Variants in SZT2 observed in about 807,000 individuals in gnomAD.
SZT2 encodes the protein SZT2 subunit of KICSTOR complex.
SZT2 carries 216 observed loss-of-function variants against 404.2 expected under a neutral mutation model. The observed-to-expected ratio is 0.53, with a 90% confidence interval of 0.48 to 0.60. SZT2 has a LOEUF of 0.60. Ranked by LOEUF, SZT2 falls within the 20% of genes least tolerant of loss-of-function variation. The probability of loss-of-function intolerance (pLI) is 0.00; values close to 1 mark genes in which losing one functional copy is unlikely to be tolerated. For missense variants in SZT2, 3,857 were observed against 4,459.2 expected, an observed-to-expected ratio of 0.86 and a Z score of 3.85; for synonymous variants, 1,693 against 1,749.9, an observed-to-expected ratio of 0.97 and a Z score of 0.81.
rs747214141 is a variant in SZT2, at chr1:43,448,038, T to C, written c.9564-41T>C. The C allele has an allele frequency of 6.2e-7, 1 of 1,609,012 alleles. No individual in the cohort carries two copies. The highest frequency in any genetic ancestry group is 8.5e-7 in the Non-Finnish European group (1 of 1,176,484). ...TGCCCCACCCTGCCCTGTGTGTCTC[T>C]TGCTACAACCACCACTCTCCTGCCC... On this transcript the variant is annotated intron_variant, in intron 68 of 71. Transcript: ENST00000634258. The surrounding 1 kb of genome is among the most constrained non-coding windows in gnomAD (Gnocchi z 4.2).
Position 43,443,011 on chromosome 1 carries a change from C to T in SZT2, c.8344C>T (p.Pro2782Ser), listed in dbSNP as rs752904064. 1.9e-6 allele frequency: 3 copies of T among 1,614,116 alleles called. No homozygotes were observed. Among genetic ancestry groups the T allele is most frequent in the African/African-American group, 1.3e-5 (1 of 75,038 alleles). ...TGCCCGCCCCAGCTCCGTACTTGGT[C>T]CTGTGCCCAGACCTCCTGATCCTGT... ...TAARPSSVLG[P>S]VPRPPDPVTY... The change falls in exon 59 of 72, where the codon CCT becomes TCT. Residue 2782 changes from proline (P) to serine (S), a missense_variant. By Grantham distance (74) the Pro-to-Ser change is moderately conservative. This residue lies in a region of SZT2 where 717 missense variants were observed against 868.2 expected (regional missense o/e 0.83). Transcript: ENST00000634258.
In SZT2 at chr1:43,424,356, C is replaced by T. The variant is rs1283056569; in HGVS notation, c.2395C>T (p.Leu799Phe). The change falls in exon 16 of 72, where the codon CTT becomes TTT. Residue 799 changes from leucine to phenylalanine, a missense_variant. Transcript: ENST00000634258. This position sits in a 1 kb window ranked among gnomAD's most constrained non-coding sequence, Gnocchi z 4.1. ...LSRYLYHQRW[L>F]WSVPSGLAPA... is the part of the protein sequence containing the mutation. ...CCGCTACCTCTACCATCAGCGCTGG[C>T]TTTGGAGTGTCCCGTCAGGACTGGC... The T allele has an allele frequency of 2.1e-5, 33 of 1,597,998 alleles. No individual in the cohort carries two copies. The highest frequency in any genetic ancestry group is 2.5e-5 in the Non-Finnish European group (30 of 1,179,624).
chr1:43,396,039 A>G (rs1648952753), intron 1 of SZT2, among the ~76,000 whole-genome samples: 1 of 152,226 alleles, frequency 6.6e-6, no homozygotes, highest in African/African-American at 2.4e-5. Flanking sequence ...TGAGGATAAA[A>G]TGGGAGATGT....
Position 43,415,262 on chromosome 1 carries a change from T to A in SZT2, c.630+49T>A, listed in dbSNP as rs141711840. On this transcript the variant is annotated intron_variant, in intron 5 of 71. Transcript: ENST00000634258. ...GAGGCAACTTAGAAAGAGGAGCAGC[T>A]AAGGACAGAGGGCAGAGAGGAGGGA... is the stretch of plus-strand genomic sequence containing the variant. The A allele has an allele frequency of 1.9e-6, 3 of 1,591,288 alleles. No homozygotes were observed. In the Admixed American group the frequency reaches 5.0e-5, roughly 27 times the overall value.
chr1:43,424,572 T>C lies in SZT2; in HGVS notation c.2471+140T>C, dbSNP rs1652914638. The C allele has an allele frequency of 3.2e-6, 3 of 945,412 alleles. No homozygotes were observed. In the South Asian group the frequency reaches 4.8e-5, roughly 15 times the overall value. 58.6% of individuals were successfully genotyped at this position (945,412 alleles called of 1,614,324 possible). On this transcript the variant is annotated intron_variant, in intron 16 of 71. Transcript: ENST00000634258. The surrounding 1 kb of genome is among the most constrained non-coding windows in gnomAD (Gnocchi z 4.1). ...TATAGAGCAGCATCTGCTACTGCCC[T>C]CCCTGTCTCCTCCCATCACCCGATT...
chr1:43,425,635 C>G lies in SZT2; in HGVS notation c.2807C>G (p.Pro936Arg), dbSNP rs756184903. 1.2e-6 allele frequency: 2 copies of G among 1,613,862 alleles called. No individual in the cohort carries two copies. Among genetic ancestry groups the G allele is most frequent in the Non-Finnish European group, 1.7e-6 (2 of 1,180,008 alleles). The change falls in exon 19 of 72, where the codon CCG (proline) becomes CGG (arginine). Residue 936 changes from proline to arginine, a missense_variant. Around this residue, in one of 7 missense-constraint regions of SZT2, gnomAD observed 1,725 missense variants for 1,881.0 expected, o/e 0.92. Coordinates refer to ENST00000634258, the MANE Select transcript of SZT2 (RefSeq NM_001365999.1). This position sits in a 1 kb window ranked among gnomAD's most constrained non-coding sequence, Gnocchi z 4.3. ...CAGGACCTGACGTATTCTGAGATCC[C>G]GCAAGCTGTGAGTGTCCTCAGAACA... is the stretch of plus-strand genomic sequence containing the variant. ...HLQDLTYSEI[P>R]QALHPRDAAC... is the part of the protein sequence containing the mutation.
intron 1 of SZT2, chr1:43,394,170 A>G (rs1648720600): frequency 1.5e-6 from 1 of 662,128 alleles, no homozygotes; most frequent in Admixed American, 6.4e-5. Flanking sequence ...TCACTTGGAG[A>G]CCTTGTTAGA....
At position 43,434,396 on chromosome 1, in the gene SZT2, C is replaced by A; in HGVS notation, c.5815C>A (p.Arg1939=). ...ATCCTTCCTTCCCAGGAGCCTGATT[C>A]GGGAGGATGGGGGGCCGGGCACTGA... is the stretch of plus-strand genomic sequence containing the variant. ...EVYAHARSLI[R]EDGGPGTECR... The change falls in exon 41 of 72, where the codon CGG becomes AGG. Residue 1939 remains arginine, a synonymous_variant. Transcript: ENST00000634258. 1 of 1,593,922 alleles carries A rather than the reference C, an allele frequency of 6.3e-7. No individual in the cohort carries two copies. Among genetic ancestry groups the A allele is most frequent in the South Asian group, 1.2e-5 (1 of 86,812 alleles).
In SZT2 at chr1:43,415,982, CAG is replaced by C. The variant is rs756942804; in HGVS notation, c.654_655del (p.Asp220ProfsTer14). 1.2e-5 allele frequency: 19 copies of C among 1,597,804 alleles called. No individual in the cohort carries two copies. Among genetic ancestry groups the C allele is most frequent in the Non-Finnish European group, 1.5e-5 (18 of 1,179,588 alleles). On this transcript the variant is annotated frameshift_variant, in exon 6 of 72. Transcript: ENST00000634258. LOFTEE classifies it high-confidence loss of function. Reference sequence around the variant, plus strand: ...CAGGCAGAAGACCAGTCCCCAGACTCAGGGGACCTACTGGGCCGGAAGGTAGG... The same window carrying C: ...CAGGCAGAAGACCAGTCCCCAGACTCGGGACCTACTGGGCCGGAAGGTAGG...
rs1450934125 is a variant in SZT2, at chr1:43,431,917, A to G, written c.5274+16A>G. 3.1e-6 allele frequency: 5 copies of G among 1,613,662 alleles called. No individual in the cohort carries two copies. Among genetic ancestry groups the G allele is most frequent in the African/African-American group, 2.7e-5 (2 of 74,928 alleles). On this transcript the variant is annotated intron_variant, in intron 36 of 71. Transcript: ENST00000634258. ...ATTCAAGGAGGTAAGTTGCCCTCCA[A>G]ACACTGCAGGGTCACCTTGGGGCCC...
rs769139158 is a variant in SZT2 at position 43,453,510 on chromosome 1, C to T, written c.*3030C>T. The T allele has an allele frequency of 1.6e-5, 24 of 1,539,340 alleles. No homozygotes were observed. The Admixed American group carries it at 2.6e-4, about 16-fold the overall frequency. On this transcript the variant is annotated 3_prime_UTR_variant, in exon 72 of 72. Coordinates refer to ENST00000634258, the MANE Select transcript of SZT2 (RefSeq NM_001365999.1). Reference sequence around the variant, plus strand: ...TTCTCTTGGTCTCCTGCAGAGAGAACGGGCCTCAGCCCCCGGCTCGGACAC... The same window carrying T: ...TTCTCTTGGTCTCCTGCAGAGAGAATGGGCCTCAGCCCCCGGCTCGGACAC...
At chr1:43,438,156 A>G (rs1654664433) in intron 46 of SZT2, 1 of 467,596 alleles carries the variant, frequency 2.1e-6, no homozygotes, top group Non-Finnish European at 3.9e-6. Flanking sequence ...CTCAAGCAGG[A>G]GCTGCATGGG....
rs866543690 is a variant in SZT2, at chr1:43,453,966, T to C, written c.*3486T>C. The C allele has an allele frequency of 3.1e-5, 37 of 1,192,584 alleles. No homozygotes were observed. In the African/African-American group the frequency reaches 5.4e-4, roughly 18 times the overall value. The allele number at this position is 1,192,584 out of a possible 1,614,324, so 73.9% of individuals were successfully genotyped here. On this transcript the variant is annotated 3_prime_UTR_variant, in exon 72 of 72. Coordinates refer to ENST00000634258, the MANE Select transcript of SZT2 (RefSeq NM_001365999.1). ...AACCCGGGCCTTCACGAAAAGCGCC[T>C]ACGGTTAGCGAGAGAGGGATCACGG...
At chr1:43,419,261 A>G (rs1652059659) in intron 7 of SZT2, among the ~76,000 whole-genome samples, 1 of 152,248 alleles carries the variant, frequency 6.6e-6, no homozygotes, top group South Asian at 2.1e-4. Flanking sequence ...GTAGTTTGCT[A>G]ATTTCCCACC....
At chr1:43,428,691 C>A in intron 28 of SZT2, 1 of 633,316 alleles carries the variant, frequency 1.6e-6, no homozygotes, top group Non-Finnish European at 2.7e-6. Context: ...AGGCTCTCCC[C>A]ATCTCCCCTG....
chr1:43,446,614 C>A, intron 65 of SZT2, 198 bp downstream of exon 65: 1 of 683,772 alleles, frequency 1.5e-6, no homozygotes, highest in Non-Finnish European at 2.5e-6. Context: ...CCCCATCGGT[C>A]ATCCAAAGCG....
chr1:43,425,657 A>G lies in SZT2; in HGVS notation c.2814+15A>G, dbSNP rs775048203. On this transcript the variant is annotated intron_variant, in intron 19 of 71. Transcript: ENST00000634258. This position sits in a 1 kb window ranked among gnomAD's most constrained non-coding sequence, Gnocchi z 4.3. ...TCCCGCAAGCTGTGAGTGTCCTCAG[A>G]ACAGTACCCGCACCTCTCTCACTGG... The G allele has an allele frequency of 1.7e-5, 28 of 1,613,238 alleles. No individual in the cohort carries two copies. In the South Asian group the frequency reaches 2.9e-4, roughly 16 times the overall value.
chr1:43,448,844 C>T lies in SZT2; in HGVS notation c.10086+116C>T, dbSNP rs922705289. 8.4e-5 allele frequency: 77 copies of T among 918,618 alleles called. No homozygotes were observed. Among genetic ancestry groups the T allele is most frequent in the East Asian group, 1.7e-4 (7 of 41,722 alleles). 56.9% of individuals were successfully genotyped at this position (918,618 alleles called of 1,614,324 possible). A position where few individuals can be genotyped will look rare whatever the true frequency, so the allele number is the denominator to read the frequency against. On this transcript the variant is annotated intron_variant, in intron 70 of 71. Transcript: ENST00000634258. This position sits in a 1 kb window ranked among gnomAD's most constrained non-coding sequence, Gnocchi z 4.2. ...GCTCTGGAGGGAGGCCTAGACAGAA[C>T]GGGACTACACAGATACATGTAAAAC...
intron 1 of SZT2, 84 bp downstream of exon 1, chr1:43,390,079 G>C: frequency 7.5e-7 from 1 of 1,341,228 alleles, no homozygotes; most frequent in East Asian, 3.1e-5. Flanking sequence ...GCCTCCTCTA[G>C]GTCTGGGGGT....
Sources: allele counts gnomAD v4.1 joint callset (sites outside exome capture counted in the v4.1 genomes callset), GRCh38; gene constraint gnomAD v4.1.1; regional missense constraint gnomAD v4.1.1; non-coding constraint Gnocchi (gnomAD v3.1); transcripts MANE v1.5; gene names NCBI Gene and HGNC (gene_info 2026-07-23, HGNC 2026-07-21).